The following RHOJ variants were observed in gnomAD, a reference collection of about 807,000 sequenced individuals.
The protein encoded by RHOJ is rho-related GTP-binding protein RhoJ.
RHOJ carries 11 observed loss-of-function variants against 23.4 expected under a neutral mutation model. The ratio of observed to expected loss-of-function variants is 0.47; its 90% CI spans 0.30 to 0.78. RHOJ has a LOEUF of 0.78. Ranked by LOEUF, RHOJ falls within the 30% of genes least tolerant of loss-of-function variation. The pLI is 0.08. For missense variants in RHOJ, 254 were observed against 273.4 expected, an observed-to-expected ratio of 0.93 and a Z score of 0.50; for synonymous variants, 102 against 102.7, an observed-to-expected ratio of 0.99 and a Z score of 0.04.
intron 1 of RHOJ, among the ~76,000 whole-genome samples, chr14:63,258,259 C>G (rs1485762916): frequency 6.8e-6 from 1 of 146,450 alleles, no homozygotes; most frequent in Non-Finnish European, 1.5e-5. Context: ...GGGCTATCAT[C>G]TTATTTCTAA....
intron 1 of RHOJ, among the ~76,000 whole-genome samples, chr14:63,256,128 G>A (rs1440329710): frequency 1.3e-5 from 2 of 152,126 alleles, no homozygotes; most frequent in Admixed American, 6.5e-5. Context: ...CTCAAGAAGC[G>A]ATCCTCCTGC....
At chr14:63,288,292 G>A (rs1020424734) in intron 4 of RHOJ, 40 of 985,448 alleles carry the variant, frequency 4.1e-5, no homozygotes, top group Non-Finnish European at 4.3e-5. Context: ...GATGGGGAGT[G>A]CCCTGCCCCT....
intron 2 of RHOJ, among the ~76,000 whole-genome samples, chr14:63,270,563 G>A (rs1190330919): frequency 1.3e-5 from 2 of 152,114 alleles, no homozygotes; most frequent in African/African-American, 4.8e-5. Flanking sequence ...AGAGCCTCGG[G>A]ATAACTCATA....
intron 1 of RHOJ, among the ~76,000 whole-genome samples, chr14:63,220,023 G>A (rs867571288): frequency 6.6e-6 from 1 of 152,048 alleles, no homozygotes; most frequent in Non-Finnish European, 1.5e-5. Context: ...TATTTTAATG[G>A]TATATATGAG....
chr14:63,271,724 A>G (rs996871500), intron 2 of RHOJ, among the ~76,000 whole-genome samples: 1 of 152,196 alleles, frequency 6.6e-6, no homozygotes, highest in East Asian at 1.9e-4. Flanking sequence ...CCTCCCAGGT[A>G]ACTGGGATTA....
intron 4 of RHOJ, among the ~76,000 whole-genome samples, chr14:63,289,553 T>A (rs1034054749): frequency 6.6e-6 from 1 of 152,280 alleles, no homozygotes; most frequent in African/African-American, 2.4e-5. Context: ...TTTCTCCAGA[T>A]GTCCTTAATA....
At chr14:63,288,784 G>C (rs1284482676) in intron 4 of RHOJ, among the ~76,000 whole-genome samples, 1 of 152,122 alleles carries the variant, frequency 6.6e-6, no homozygotes, top group Non-Finnish European at 1.5e-5. Context: ...GGAAAAAAAT[G>C]AAAAATGCAT....
chr14:63,261,905 C>T (rs1895279377), intron 1 of RHOJ, among the ~76,000 whole-genome samples: 1 of 152,164 alleles, frequency 6.6e-6, no homozygotes, highest in African/African-American at 2.4e-5. Context: ...AATTATATTT[C>T]TCGCTATATC....
intron 1 of RHOJ, among the ~76,000 whole-genome samples, chr14:63,224,575 A>T (rs541782672): frequency 6.6e-6 from 1 of 152,320 alleles, no homozygotes; most frequent in South Asian, 2.1e-4. Context: ...TTGGATATTA[A>T]AACACTCTAT....
chr14:63,260,600 G>A (rs951933977), intron 1 of RHOJ, among the ~76,000 whole-genome samples: 10 of 152,128 alleles, frequency 6.6e-5, no homozygotes, highest in African/African-American at 2.4e-4. Flanking sequence ...AAAATAAAGT[G>A]TTTTCTGTGG....
At chr14:63,213,756 T>G (rs1290456904) in intron 1 of RHOJ, among the ~76,000 whole-genome samples, 2 of 152,184 alleles carry the variant, frequency 1.3e-5, no homozygotes, top group Non-Finnish European at 2.9e-5. Context: ...CATTCAGGGA[T>G]CTACTTTTTT....
chr14:63,245,713 A>G (rs1369464219), intron 1 of RHOJ, among the ~76,000 whole-genome samples: 2 of 152,182 alleles, frequency 1.3e-5, no homozygotes, highest in Non-Finnish European at 2.9e-5. Context: ...TCTTAGACCA[A>G]TGTATAAATC....
intron 2 of RHOJ, among the ~76,000 whole-genome samples, chr14:63,271,230 T>C (rs1158359957): frequency 1.3e-5 from 2 of 152,144 alleles, no homozygotes; most frequent in South Asian, 4.1e-4. Context: ...AAAGGAACCA[T>C]AAAGCATGGG....
rs760935942 is a variant in RHOJ, at chr14:63,204,968, G to GAAAACCT, written c.100_106dup (p.Cys36Ter). 1 of 1,614,196 alleles carries GAAAACCT rather than the reference G, an allele frequency of 6.2e-7. No homozygotes were observed. The highest frequency in any genetic ancestry group is 8.5e-7 in the Non-Finnish European group (1 of 1,180,038). On this transcript the variant is annotated frameshift_variant, in exon 1 of 5. Coordinates refer to ENST00000316754, the MANE Select transcript of RHOJ (RefSeq NM_020663.5). LOFTEE classifies it high-confidence loss of function. The stretch of plus-strand genomic sequence containing the variant: ...TGGTGGTGGGGGACGGTGCCGTGGG[G>GAAAACCT]AAAACCTGCCTGCTGATGAGCTACG...
At chr14:63,284,191 T>A in intron 4 of RHOJ, 1 of 979,400 alleles carries the variant, frequency 1.0e-6, no homozygotes, top group Non-Finnish European at 1.2e-6. Context: ...ATTTATCTTA[T>A]TAAATCTTGC....
chr14:63,235,110 G>A (rs934256134), intron 1 of RHOJ, among the ~76,000 whole-genome samples: 20 of 151,946 alleles, frequency 1.3e-4, no homozygotes, highest in African/African-American at 3.9e-4. Context: ...CTAAGTTCTC[G>A]GGGTTCTTCT....
chr14:63,229,768 C>G (rs1216553184), intron 1 of RHOJ, among the ~76,000 whole-genome samples: 1 of 152,178 alleles, frequency 6.6e-6, no homozygotes, highest in Non-Finnish European at 1.5e-5. Flanking sequence ...CAGATAATCT[C>G]CTTATCTTAA....
At chr14:63,229,562 C>T (rs908869104) in intron 1 of RHOJ, among the ~76,000 whole-genome samples, 5 of 152,112 alleles carry the variant, frequency 3.3e-5, no homozygotes, top group African/African-American at 1.2e-4. Context: ...TGGCCATCAG[C>T]CAAGCACTGT....
At chr14:63,278,228 T>C (rs1881795067) in intron 2 of RHOJ, among the ~76,000 whole-genome samples, 2 of 152,186 alleles carry the variant, frequency 1.3e-5, no homozygotes, top group Non-Finnish European at 2.9e-5. Context: ...ACCTAAAACC[T>C]GTGCTTAAGT....
Sources: gnomAD v4.1 joint callset for allele counts (sites outside exome capture counted in the v4.1 genomes callset) on GRCh38, gnomAD v4.1.1 for gene constraint, MANE v1.5 for transcripts, NCBI Gene and HGNC (gene_info 2026-07-23, HGNC 2026-07-21) for gene names.